Variants in FRY observed in about 807,000 individuals in gnomAD.
FRY encodes FRY microtubule binding protein.
Under a neutral mutation model 348.4 loss-of-function variants are expected in FRY, and 128 were observed. The observed-to-expected ratio is 0.37, with a 90% confidence interval of 0.32 to 0.43. The LOEUF is 0.43. Among genes scored for constraint, FRY ranks in the 20% least tolerant of loss-of-function variants. The pLI is 1.00. For synonymous variants in FRY, 1,370 were observed against 1,374.7 expected, an observed-to-expected ratio of 1.00 and a Z score of 0.08; for missense variants, 2,736 against 3,695.2, an observed-to-expected ratio of 0.74 and a Z score of 6.73.
chr13:32,198,047 T>G (rs1005255128), intron 29 of FRY, among the ~76,000 whole-genome samples: 2 of 152,256 alleles, frequency 1.3e-5, no homozygotes, highest in African/African-American at 2.4e-5. Flanking sequence ...TTATTTGTAC[T>G]CTTTTGCTTA....
At position 32,194,255 on chromosome 13, in the gene FRY, C is replaced by A; in HGVS notation, c.3704C>A (p.Ala1235Glu). 2 of 1,614,158 alleles carry A rather than the reference C, an allele frequency of 1.2e-6. No homozygotes were observed. The highest frequency in any genetic ancestry group is 3.3e-5 in the Admixed American group (2 of 60,030). Residue 1235 changes from alanine (A) to glutamate (E), a missense_variant, in exon 29 of 61, where the codon GCA becomes GAA. By Grantham distance (107) the Ala-to-Glu change is moderately radical (BLOSUM62 -1). This residue lies in a region of FRY where 794 missense variants were observed against 977.0 expected (regional missense o/e 0.81). Coordinates refer to ENST00000542859, the MANE Select transcript of FRY (RefSeq NM_023037.3). ...DRCYTGSYQLASGCFKAIATV... is the reference protein window; with the variant it reads ...DRCYTGSYQLESGCFKAIATV... ...TGCTACACAGGTTCCTACCAACTTG[C>A]ATCTGGCTGCTTCAAAGCCATAGCA...
In FRY at chr13:32,139,353, C is replaced by T. The variant is rs1040626812; in HGVS notation, c.1179+2381C>T. Among the ~76,000 whole-genome samples, 3 of 152,200 alleles carry T rather than the reference C, an allele frequency of 2.0e-5. No homozygotes were observed. In the South Asian group the frequency reaches 6.2e-4, roughly 32 times the overall value. On this transcript the variant is annotated intron_variant, in intron 11 of 60. Coordinates refer to ENST00000542859, the MANE Select transcript of FRY (RefSeq NM_023037.3). ...ACCTTTCTGCACCCTTCCCTGCCTTCCTTACCCCTCCCCAGCCACAGATGC... is the reference window on the plus strand; with the variant it reads ...ACCTTTCTGCACCCTTCCCTGCCTTTCTTACCCCTCCCCAGCCACAGATGC...
intron 2 of FRY, among the ~76,000 whole-genome samples, chr13:32,080,271 T>C (rs1204386334): frequency 6.6e-6 from 1 of 152,252 alleles, no homozygotes; most frequent in African/African-American, 2.4e-5. Context: ...CTCATGTTTT[T>C]ATGTTTCTGC....
chr13:32,098,144 T>C (rs1876885189), intron 2 of FRY, among the ~76,000 whole-genome samples: 1 of 152,020 alleles, frequency 6.6e-6, no homozygotes, highest in South Asian at 2.1e-4. Context: ...AACTACTCTG[T>C]CTCCATTGCA....
At chr13:32,199,600 T>C (rs1883884824) in intron 29 of FRY, among the ~76,000 whole-genome samples, 1 of 152,236 alleles carries the variant, frequency 6.6e-6, no homozygotes, top group Admixed American at 6.5e-5. Flanking sequence ...GAGATACTTC[T>C]ACATTTTATT....
At chr13:32,205,970 T>C (rs1884330944) in intron 31 of FRY, among the ~76,000 whole-genome samples, 1 of 151,898 alleles carries the variant, frequency 6.6e-6, no homozygotes, top group South Asian at 2.1e-4. Context: ...CCTACTGTGA[T>C]ATCAGGGAGG....
At chr13:32,248,105 A>G (rs1167471152) in intron 48 of FRY, among the ~76,000 whole-genome samples, 1 of 152,178 alleles carries the variant, frequency 6.6e-6, no homozygotes, top group East Asian at 1.9e-4. Context: ...TTGAAGTCTA[A>G]GGTATAAAAT....
chr13:32,235,538 C>T (rs1429391032), intron 42 of FRY, among the ~76,000 whole-genome samples: 1 of 152,202 alleles, frequency 6.6e-6, no homozygotes, highest in Non-Finnish European at 1.5e-5. Context: ...GCAGGAGAAT[C>T]ACTTGAACCC....
intron 29 of FRY, 128 bp from the exon 30 acceptor site, chr13:32,201,813 G>C (rs1884045361): frequency 1.4e-6 from 1 of 691,556 alleles, no homozygotes; most frequent in Admixed American, 2.1e-5. Flanking sequence ...AAAATGGCCA[G>C]ACGGGGGTAA....
chr13:32,259,908 A>G (rs1428201861), intron 51 of FRY, among the ~76,000 whole-genome samples: 9 of 152,252 alleles, frequency 5.9e-5, no homozygotes. Context: ...ACTGGATGTT[A>G]GAAACAATAT....
At chr13:32,053,333 C>T (rs1873445172) in intron 1 of FRY, among the ~76,000 whole-genome samples, 1 of 152,128 alleles carries the variant, frequency 6.6e-6, no homozygotes, top group South Asian at 2.1e-4. Context: ...ACCGACTATG[C>T]TTAGTAATGA....
intron 8 of FRY, among the ~76,000 whole-genome samples, chr13:32,133,097 TA>T (rs775458925): frequency 1.5e-4 from 23 of 152,106 alleles, no homozygotes; most frequent in Non-Finnish European, 3.1e-4. Flanking sequence ...TGGGTGTCAT[TA>T]AAAGGTTCTA....
intron 34 of FRY, 62 bp downstream of exon 34, chr13:32,211,096 T>G (rs1010516629): frequency 1.2e-5 from 17 of 1,430,640 alleles, no homozygotes; most frequent in Non-Finnish European, 1.2e-5. Flanking sequence ...TCATGTAGAT[T>G]CCTGAAAGGA....
chr13:32,143,439 G>T (rs1283039876), intron 11 of FRY, among the ~76,000 whole-genome samples: 1 of 152,168 alleles, frequency 6.6e-6, no homozygotes, highest in African/African-American at 2.4e-5. Context: ...ATGTTCTTAA[G>T]AGTGAAAGAA....
intron 31 of FRY, among the ~76,000 whole-genome samples, chr13:32,206,524 C>T (rs957991419): frequency 4.6e-5 from 7 of 152,096 alleles, no homozygotes; most frequent in African/African-American, 1.7e-4. Context: ...GCTGGCCCTC[C>T]AGTGGGGTGC....
rs1884035076 is a variant in FRY, at chr13:32,201,624, AAGT to A, written c.3747-316_3747-314del. On this transcript the variant is annotated intron_variant, in intron 29 of 60. Coordinates refer to ENST00000542859, the MANE Select transcript of FRY (RefSeq NM_023037.3). ...CTTTTTCACTTGTTGGTTTGCATTA[AAGT>A]CATTAAAGTCCGTTTGCATCAGATA... is the stretch of plus-strand genomic sequence containing the variant. 2.0e-4 allele frequency among the ~76,000 whole-genome samples: 11 copies of A among 53,902 alleles called. No homozygotes were observed. In the Admixed American group the frequency reaches 2.2e-3, roughly 11 times the overall value. 35.4% of individuals were successfully genotyped at this position (53,902 alleles called of 152,430 possible). A position where few individuals can be genotyped will look rare whatever the true frequency, so the allele number is the denominator to read the frequency against.
chr13:32,237,404 A>G lies in FRY; in HGVS notation c.5836A>G (p.Ser1946Gly). 6.2e-7 allele frequency: 1 copy of G among 1,614,118 alleles called. No individual in the cohort carries two copies. ...SRSSSPDLSS[S>G]SKLTASRKST... Reference sequence around the variant, plus strand: ...CTCTTCCTCACCAGATTTAAGCTCCAGCAGTAAACTAACAGCAAGCAGAAA... The same window carrying G: ...CTCTTCCTCACCAGATTTAAGCTCCGGCAGTAAACTAACAGCAAGCAGAAA... The change falls in exon 44 of 61, where the codon AGC (serine) becomes GGC (glycine). Residue 1946 changes from serine to glycine, a missense_variant. Coordinates refer to ENST00000542859, the MANE Select transcript of FRY (RefSeq NM_023037.3). This position sits in a 1 kb window ranked among gnomAD's most constrained non-coding sequence, Gnocchi z 6.3.
In FRY at chr13:32,289,650, G is replaced by A; in HGVS notation, c.8487G>A (p.Gln2829=). The change falls in exon 59 of 61, where the codon CAG becomes CAA. Residue 2829 remains glutamine, a synonymous_variant. Coordinates refer to ENST00000542859, the MANE Select transcript of FRY (RefSeq NM_023037.3). ...CTCTTTAGCAATTGGAACTGTGTCA[G>A]AGATTATATAAGCTACACTTCCAGC... is the stretch of plus-strand genomic sequence containing the variant. ...DSEEKQLELC[Q]RLYKLHFQLL... 6.3e-7 allele frequency: 1 copy of A among 1,599,628 alleles called. No individual in the cohort carries two copies. Among genetic ancestry groups the A allele is most frequent in the Non-Finnish European group, 8.6e-7 (1 of 1,166,832 alleles).
chr13:32,233,767 T>A (rs1886052179), intron 41 of FRY, among the ~76,000 whole-genome samples: 1 of 152,218 alleles, frequency 6.6e-6, no homozygotes, highest in African/African-American at 2.4e-5. Context: ...AAGAATACAT[T>A]TGTGAACCTA....
Sources: gnomAD v4.1 joint callset for allele counts (sites outside exome capture counted in the v4.1 genomes callset) on GRCh38, gnomAD v4.1.1 for gene constraint, gnomAD v4.1.1 regional missense constraint, Gnocchi (gnomAD v3.1) non-coding constraint, MANE v1.5 for transcripts, NCBI Gene and HGNC (gene_info 2026-07-23, HGNC 2026-07-21) for gene names.